KCNB2: variants seen among roughly 807,000 people sequenced by gnomAD.
KCNB2 encodes delayed rectifier potassium channel protein.
In KCNB2, 15 loss-of-function variants were observed where a neutral mutation model predicts 61.5. The ratio of observed to expected loss-of-function variants is 0.24; its 90% CI spans 0.16 to 0.38. KCNB2 has a LOEUF of 0.38. Among genes scored for constraint, KCNB2 ranks in the 10% least tolerant of loss-of-function variants. The pLI is 1.00. For synonymous variants in KCNB2, 457 were observed against 446.0 expected (o/e 1.02, Z -0.31); for missense variants, 828 against 1,125.2 (o/e 0.74, Z 3.78).
intron 2 of KCNB2, among the ~76,000 whole-genome samples, chr8:72,723,749 G>A (rs930506815): frequency 2.0e-4 from 31 of 152,158 alleles, no homozygotes; most frequent in African/African-American, 7.5e-4. Context: ...ATCCAAACCT[G>A]TTGGACATGC....
intron 2 of KCNB2, among the ~76,000 whole-genome samples, chr8:72,859,719 T>C (rs1301077265): frequency 7.4e-6 from 1 of 135,436 alleles, no homozygotes; most frequent in Non-Finnish European, 1.6e-5. Flanking sequence ...TTTTTTTTTT[T>C]TTTTTTTTTT....
At chr8:72,835,503 T>A (rs887996413) in intron 2 of KCNB2, among the ~76,000 whole-genome samples, 4 of 152,186 alleles carry the variant, frequency 2.6e-5, no homozygotes, top group Non-Finnish European at 5.9e-5. Flanking sequence ...ATCGCCTCTA[T>A]CTTTTAAGGT....
chr8:72,773,279 C>T (rs1262699834), intron 2 of KCNB2, among the ~76,000 whole-genome samples: 3 of 152,172 alleles, frequency 2.0e-5, no homozygotes, highest in African/African-American at 4.8e-5. Flanking sequence ...TTGTATTGCC[C>T]AGGTCTGCCA....
At chr8:72,570,712 T>A (rs142255066) in intron 2 of KCNB2, among the ~76,000 whole-genome samples, 3 of 152,192 alleles carry the variant, frequency 2.0e-5, no homozygotes, top group Admixed American at 2.0e-4. Flanking sequence ...ATTTACTTTA[T>A]TGTATGGGTA....
chr8:72,562,131 AATGAAATGTTAAAC>A (rs1169459527), intron 1 of KCNB2, among the ~76,000 whole-genome samples: 2 of 152,090 alleles, frequency 1.3e-5, no homozygotes, highest in Admixed American at 6.6e-5. Context: ...GCAACACAAA[AATGAAATGTTAAAC>A]ATCACTTACA....
chr8:72,862,294 A>G (rs1341917242), intron 2 of KCNB2, among the ~76,000 whole-genome samples: 2 of 152,218 alleles, frequency 1.3e-5, no homozygotes, highest in Non-Finnish European at 2.9e-5. Flanking sequence ...TAATCTTTTT[A>G]ATTAGTTAAA....
At chr8:72,554,366 C>G (rs1170371687) in intron 1 of KCNB2, among the ~76,000 whole-genome samples, 1 of 152,006 alleles carries the variant, frequency 6.6e-6, no homozygotes, top group Admixed American at 6.6e-5. Flanking sequence ...TGGTCTTTTT[C>G]CATTCTGACC....
chr8:72,907,576 T>C (rs1473379330), intron 2 of KCNB2, among the ~76,000 whole-genome samples: 1 of 152,150 alleles, frequency 6.6e-6, no homozygotes, highest in African/African-American at 2.4e-5. Context: ...TCATGCAACC[T>C]AAAAGGAGAA....
intron 2 of KCNB2, among the ~76,000 whole-genome samples, chr8:72,611,029 G>A (rs1805528964): frequency 6.6e-6 from 1 of 152,128 alleles, no homozygotes; most frequent in Non-Finnish European, 1.5e-5. Context: ...AATGGGCTCA[G>A]TCCATGAATC....
At chr8:72,623,850 A>T (rs1805748650) in intron 2 of KCNB2, among the ~76,000 whole-genome samples, 1 of 152,174 alleles carries the variant, frequency 6.6e-6, no homozygotes, top group South Asian at 2.1e-4. Context: ...GAAGCATCAG[A>T]CCCACTGAGG....
intron 2 of KCNB2, among the ~76,000 whole-genome samples, chr8:72,635,323 G>A (rs962036971): frequency 6.6e-6 from 1 of 152,166 alleles, no homozygotes; most frequent in Non-Finnish European, 1.5e-5. Context: ...GGATTTAAGA[G>A]TGCTACTAAA....
In KCNB2 at chr8:72,595,546, G is replaced by A. The variant is rs576527475; in HGVS notation, c.579+27233G>A. 5.3e-5 allele frequency among the ~76,000 whole-genome samples: 8 copies of A among 151,958 alleles called. 1 individual carries two copies. Among genetic ancestry groups the A allele is most frequent in the South Asian group, 4.2e-4 (2 of 4,812 alleles). The stretch of plus-strand genomic sequence containing the variant: ...TCACCATATTGACCAGGCTGGTCTC[G>A]AACTCCTGACCTCGTGATCCGCCCA... On this transcript the variant is annotated intron_variant, in intron 2 of 2. Coordinates refer to ENST00000523207, the MANE Select transcript of KCNB2 (RefSeq NM_004770.3).
intron 2 of KCNB2, among the ~76,000 whole-genome samples, chr8:72,934,323 A>T: frequency 6.8e-6 from 1 of 146,648 alleles, no homozygotes; most frequent in East Asian, 2.2e-4. Context: ...GCAGTGAGCT[A>T]GTGAGCTGAG....
intron 1 of KCNB2, among the ~76,000 whole-genome samples, chr8:72,561,778 G>GATATATATATATATAT (rs1491124951): frequency 2.9e-5 from 1 of 34,338 alleles, no homozygotes; most frequent in South Asian, 8.3e-4. Flanking sequence ...TATATATATG[G>GATATATATATATATAT]ATATATATAT....
intron 2 of KCNB2, among the ~76,000 whole-genome samples, chr8:72,651,005 C>CA (rs995886478): frequency 2.0e-5 from 3 of 152,130 alleles, no homozygotes; most frequent in African/African-American, 7.2e-5. Flanking sequence ...TCAAAATTGA[C>CA]ATTCATTTTC....
intron 2 of KCNB2, among the ~76,000 whole-genome samples, chr8:72,687,197 A>G (rs1339287483): frequency 1.3e-5 from 2 of 152,232 alleles, no homozygotes; most frequent in African/African-American, 4.8e-5. Context: ...ATCTGTTTCT[A>G]AAAACAAAGC....
At chr8:72,698,781 T>C (rs1382030060) in intron 2 of KCNB2, among the ~76,000 whole-genome samples, 1 of 152,060 alleles carries the variant, frequency 6.6e-6, no homozygotes, top group Non-Finnish European at 1.5e-5. Flanking sequence ...TCCTACTCAA[T>C]AAATGGTGTG....
At chr8:72,593,631 C>A (rs1807137236) in intron 2 of KCNB2, among the ~76,000 whole-genome samples, 1 of 152,116 alleles carries the variant, frequency 6.6e-6, no homozygotes, top group South Asian at 2.1e-4. Context: ...ATTTTGTGAT[C>A]CTTTAGGAGG....
At chr8:72,911,544 C>T (rs1380265241) in intron 2 of KCNB2, among the ~76,000 whole-genome samples, 1 of 152,222 alleles carries the variant, frequency 6.6e-6, no homozygotes, top group African/African-American at 2.4e-5. Context: ...CATCATTGAT[C>T]AAACTAGAGC....
Sources: gnomAD v4.1 joint callset for allele counts (sites outside exome capture counted in the v4.1 genomes callset) on GRCh38, gnomAD v4.1.1 for gene constraint, MANE v1.5 for transcripts, NCBI Gene and HGNC (gene_info 2026-07-23, HGNC 2026-07-21) for gene names.